The following GUCY1A2 variants were observed in gnomAD, a reference collection of about 807,000 sequenced individuals.
The protein encoded by GUCY1A2 is guanylate cyclase 1 soluble subunit alpha 2, also known as guanylate cyclase soluble subunit alpha-2.
A neutral mutation model predicts 63.5 loss-of-function variants in GUCY1A2; 27 were observed. The observed-to-expected ratio is 0.43, with a 90% CI of 0.31 to 0.59. The LOEUF is 0.59. Ranked by LOEUF, GUCY1A2 falls within the 20% of genes least tolerant of loss-of-function variation. The pLI is 0.11. For synonymous variants in GUCY1A2, 364 were observed against 343.5 expected (o/e 1.06, Z -0.66); for missense variants, 768 against 913.3 (o/e 0.84, Z 2.05).
chr11:106,956,693 C>T (rs1860989320), intron 3 of GUCY1A2, among the ~76,000 whole-genome samples: 1 of 152,140 alleles, frequency 6.6e-6, no homozygotes, highest in Non-Finnish European at 1.5e-5. Flanking sequence ...CAGGCACCAA[C>T]CTGATGCCAG....
chr11:106,754,600 G>T (rs187730885), intron 6 of GUCY1A2, among the ~76,000 whole-genome samples: 4 of 152,252 alleles, frequency 2.6e-5, no homozygotes, highest in South Asian at 2.1e-4. Context: ...CTTTTCTGCA[G>T]CTATTGAGAT....
chr11:106,975,404 G>A (rs1313942276), intron 3 of GUCY1A2, among the ~76,000 whole-genome samples: 1 of 152,094 alleles, frequency 6.6e-6, no homozygotes, highest in Non-Finnish European at 1.5e-5. Flanking sequence ...GCAGATTAGG[G>A]CTAGAAAAGA....
intron 3 of GUCY1A2, among the ~76,000 whole-genome samples, chr11:106,956,958 T>C (rs2120046662): frequency 6.6e-6 from 1 of 152,268 alleles, no homozygotes; most frequent in South Asian, 2.1e-4. Context: ...GAGATCTGAA[T>C]TCTGTCCCCG....
chr11:106,930,164 A>T (rs1468581740), intron 4 of GUCY1A2, among the ~76,000 whole-genome samples: 3 of 152,230 alleles, frequency 2.0e-5, no homozygotes, highest in Non-Finnish European at 4.4e-5. Context: ...TATTTGTGGA[A>T]GTCAGGAGAA....
chr11:106,933,262 T>C (rs962968068), intron 4 of GUCY1A2, among the ~76,000 whole-genome samples: 1 of 151,378 alleles, frequency 6.6e-6, no homozygotes, highest in Non-Finnish European at 1.5e-5. Flanking sequence ...AAACAAAAAA[T>C]AACACCATTA....
chr11:106,798,449 A>G, intron 5 of GUCY1A2, among the ~76,000 whole-genome samples: 1 of 152,012 alleles, frequency 6.6e-6, no homozygotes, highest in Non-Finnish European at 1.5e-5. Flanking sequence ...AAGGCTGGCA[A>G]AAACACAACA....
intron 6 of GUCY1A2, among the ~76,000 whole-genome samples, chr11:106,724,956 A>C (rs1863379244): frequency 6.6e-6 from 1 of 152,152 alleles, no homozygotes; most frequent in Admixed American, 6.5e-5. Context: ...CCTTATGTAG[A>C]TGTTTATTAA....
intron 3 of GUCY1A2, among the ~76,000 whole-genome samples, chr11:106,948,266 C>G (rs1344934127): frequency 6.6e-6 from 1 of 152,046 alleles, no homozygotes; most frequent in Non-Finnish European, 1.5e-5. Context: ...TATACTAAGA[C>G]CAATTTCTCT....
chr11:106,835,257 A>C (rs1473833322), intron 4 of GUCY1A2, among the ~76,000 whole-genome samples: 2 of 152,074 alleles, frequency 1.3e-5, no homozygotes, highest in East Asian at 3.9e-4. Flanking sequence ...AACCTTTATA[A>C]ATTTTTAAAA....
At chr11:106,796,526 A>G (rs1864763894) in intron 5 of GUCY1A2, among the ~76,000 whole-genome samples, 1 of 152,100 alleles carries the variant, frequency 6.6e-6, no homozygotes, top group Non-Finnish European at 1.5e-5. Flanking sequence ...TTTCTCCTTC[A>G]GTTATGAAGC....
chr11:106,979,935 C>T (rs1480497247), intron 2 of GUCY1A2, among the ~76,000 whole-genome samples: 1 of 152,164 alleles, frequency 6.6e-6, no homozygotes, highest in Admixed American at 6.5e-5. Flanking sequence ...TTTTCCCCCT[C>T]CCCTCCTAGA....
intron 7 of GUCY1A2, 93 bp from the exon 8 acceptor site, chr11:106,687,849 G>T (rs1455376045): frequency 3.7e-6 from 3 of 802,918 alleles, no homozygotes; most frequent in Admixed American, 3.9e-5. Context: ...GCCTATCTCT[G>T]ACTGTTCATG....
chr11:106,974,838 G>C (rs1861242199), intron 3 of GUCY1A2, among the ~76,000 whole-genome samples: 1 of 152,074 alleles, frequency 6.6e-6, no homozygotes, highest in Non-Finnish European at 1.5e-5. Context: ...ATTTTGAGAG[G>C]AAATGCACTT....
At chr11:106,740,202 G>C (rs1863668508) in intron 6 of GUCY1A2, among the ~76,000 whole-genome samples, 1 of 151,870 alleles carries the variant, frequency 6.6e-6, no homozygotes, top group South Asian at 2.1e-4. Flanking sequence ...GTTTTACCAT[G>C]TTGGTCTGGC....
chr11:106,787,976 G>T (rs941047779), intron 5 of GUCY1A2, among the ~76,000 whole-genome samples: 10 of 152,050 alleles, frequency 6.6e-5, no homozygotes, highest in African/African-American at 2.2e-4. Flanking sequence ...TCCCCATATT[G>T]GTTGTACTAA....
intron 1 of GUCY1A2, among the ~76,000 whole-genome samples, chr11:107,014,958 T>A (rs1447389082): frequency 6.6e-6 from 1 of 152,138 alleles, no homozygotes; most frequent in Non-Finnish European, 1.5e-5. Flanking sequence ...ATAATCCATC[T>A]CCTGAAGAGT....
intron 6 of GUCY1A2, among the ~76,000 whole-genome samples, chr11:106,745,320 CTCTT>C (rs1300450146): frequency 1.3e-5 from 2 of 152,186 alleles, no homozygotes; most frequent in East Asian, 1.9e-4. Flanking sequence ...CCCACACACT[CTCTT>C]TCTCTCTTAA....
At chr11:106,712,346 T>C (rs2135354912) in intron 6 of GUCY1A2, among the ~76,000 whole-genome samples, 1 of 152,278 alleles carries the variant, frequency 6.6e-6, no homozygotes, top group Admixed American at 6.5e-5. Context: ...TCTATAGAAG[T>C]TCAATTTGGA....
chr11:106,674,546 C>A lies in GUCY1A2; in HGVS notation c.*13003G>T. On this transcript the variant is annotated 3_prime_UTR_variant, in exon 8 of 8. Coordinates refer to ENST00000526355, the MANE Select transcript of GUCY1A2 (RefSeq NM_000855.3). ...ATTAATGGTACAGGTTTAAGAGATG[C>A]ATTCATTTTTTTAAAAAAACAAAAA... is the stretch of plus-strand genomic sequence containing the variant. 1 of 180,746 alleles carries A rather than the reference C, an allele frequency of 5.5e-6. No homozygotes were observed. 11.2% of individuals were successfully genotyped at this position (180,746 alleles called of 1,614,324 possible). A position where few individuals can be genotyped will look rare whatever the true frequency, so the allele number is the denominator to read the frequency against.
Sources: allele counts gnomAD v4.1 joint callset (sites outside exome capture counted in the v4.1 genomes callset), GRCh38; gene constraint gnomAD v4.1.1; transcripts MANE v1.5; gene names NCBI Gene and HGNC (gene_info 2026-07-23, HGNC 2026-07-21).